MYO18A: variants seen among roughly 807,000 people sequenced by gnomAD.
MYO18A encodes unconventional myosin-XVIIIa.
MYO18A carries 78 observed loss-of-function variants against 235.8 expected under a neutral mutation model. That is an observed-to-expected ratio of 0.33 (90% CI 0.28 to 0.40). MYO18A has a LOEUF of 0.40. Among genes scored for constraint, MYO18A ranks in the 10% least tolerant of loss-of-function variants. The probability of loss-of-function intolerance (pLI) is 1.00; values close to 1 mark genes in which losing one functional copy is unlikely to be tolerated. For missense variants in MYO18A, 2,215 were observed against 2,699.3 expected (o/e 0.82, Z 3.98); for synonymous variants, 977 against 1,077.8 (o/e 0.91, Z 1.83).
chr17:29,145,430 C>T (rs2067827091), intron 2 of MYO18A, among the ~76,000 whole-genome samples: 1 of 152,206 alleles, frequency 6.6e-6, no homozygotes, highest in Non-Finnish European at 1.5e-5. Flanking sequence ...CTAAGCAGAG[C>T]TGGGGGAAGG....
intron 20 of MYO18A, among the ~76,000 whole-genome samples, chr17:29,104,227 A>T (rs1158081289): frequency 1.3e-5 from 2 of 152,178 alleles, no homozygotes; most frequent in Non-Finnish European, 2.9e-5. Context: ...TCTCACTGGC[A>T]AATGGGTAGA....
Position 29,099,652 on chromosome 17 carries a change from C to T in MYO18A, c.3618G>A (p.Gln1206=), listed in dbSNP as rs2152786739. ...QAACRGYLAR[Q]HFKKRKIQDL... is the part of the protein sequence containing the mutation. ...GCAGCACCTTTCTCTTCTTGAAGTGCTGGCGGGCCAGGTAGCCCCTGCAGG... is the reference window on the plus strand; with the variant it reads ...GCAGCACCTTTCTCTTCTTGAAGTGTTGGCGGGCCAGGTAGCCCCTGCAGG... Residue 1206 remains glutamine, a synonymous_variant, in exon 22 of 42, where the codon CAG becomes CAA. Coordinates refer to ENST00000527372, the MANE Select transcript of MYO18A (RefSeq NM_078471.4). 1 of 1,613,650 alleles carries T rather than the reference C, an allele frequency of 6.2e-7. No individual in the cohort carries two copies. The highest frequency in any genetic ancestry group is 1.1e-5 in the South Asian group (1 of 91,036).
In MYO18A at chr17:29,166,448, G is replaced by A; in HGVS notation, c.493C>T (p.Pro165Ser). ...TPSEHSAAPS[P>S]QVEVRTLEGQ... ...TCTAGAGTCCTCACCTCCACCTGTG[G>A]CGAGGGGGCGGCAGAGTGCTCTGAG... is the stretch of plus-strand genomic sequence containing the variant. The change falls in exon 2 of 42, where the codon CCA becomes TCA. Residue 165 changes from proline to serine, a missense_variant. By Grantham distance (74) the Pro-to-Ser change is moderately conservative. Transcript: ENST00000527372. 1.2e-6 allele frequency: 2 copies of A among 1,613,796 alleles called. No individual in the cohort carries two copies. The highest frequency in any genetic ancestry group is 1.7e-6 in the Non-Finnish European group (2 of 1,179,888).
At chr17:29,160,868 G>A (rs565662687) in intron 2 of MYO18A, among the ~76,000 whole-genome samples, 2 of 152,338 alleles carry the variant, frequency 1.3e-5, no homozygotes, top group South Asian at 4.1e-4. Context: ...ACTTGGCTGG[G>A]AGGGAGTGGT....
chr17:29,132,178 C>T (rs2067488979), intron 2 of MYO18A, among the ~76,000 whole-genome samples: 1 of 152,192 alleles, frequency 6.6e-6, no homozygotes, highest in East Asian at 1.9e-4. Flanking sequence ...TGCTGGAGCC[C>T]AGGAGCTGGC....
chr17:29,160,582 T>C (rs2068150188), intron 2 of MYO18A, among the ~76,000 whole-genome samples: 1 of 152,244 alleles, frequency 6.6e-6, no homozygotes, highest in Non-Finnish European at 1.5e-5. Flanking sequence ...AAATATTTAC[T>C]GAGGGAAAAG....
At chr17:29,173,210 A>C (rs2068445287) in intron 1 of MYO18A, among the ~76,000 whole-genome samples, 1 of 151,400 alleles carries the variant, frequency 6.6e-6, no homozygotes, top group Non-Finnish European at 1.5e-5. Context: ...CTCCTGCCTC[A>C]GCCTCCTGAG....
intron 21 of MYO18A, among the ~76,000 whole-genome samples, chr17:29,101,940 C>G (rs532602172): frequency 3.3e-4 from 49 of 150,498 alleles, no homozygotes; most frequent in Middle Eastern, 3.4e-3. Context: ...AGGCTCTGAG[C>G]CCCCCCAGAG....
intron 1 of MYO18A, among the ~76,000 whole-genome samples, chr17:29,177,634 C>G (rs900572758): frequency 3.3e-5 from 5 of 152,130 alleles, no homozygotes; most frequent in African/African-American, 1.2e-4. Context: ...CAAAGCAGAA[C>G]TTAAACTCCA....
chr17:29,129,648 T>C (rs1190959433), intron 2 of MYO18A, among the ~76,000 whole-genome samples: 1 of 152,242 alleles, frequency 6.6e-6, no homozygotes, highest in Middle Eastern at 3.2e-3. Context: ...CTAGAACACA[T>C]ATGGGCACTG....
At position 29,110,544 on chromosome 17, in the gene MYO18A, G is replaced by A. The variant is rs746865069; in HGVS notation, c.2979C>T (p.Gly993=). The A allele has an allele frequency of 1.7e-5, 27 of 1,611,314 alleles. 1 individual carries two copies. Among genetic ancestry groups the A allele is most frequent in the African/African-American group, 5.3e-5 (4 of 74,904 alleles). ...CCCGGCGCAGTGCCAGCTGCGAGCC[G>A]CCCTCCAGGCCCGCGATGGAGCCAG... ...VLSGSIAGLE[G]GSQLALRRAT... Residue 993 remains glycine, a synonymous_variant, in exon 18 of 42, where the codon GGC becomes GGT. Transcript: ENST00000527372.
chr17:29,117,946 G>T lies in MYO18A; in HGVS notation c.2038+99C>A, dbSNP rs1024471513. On this transcript the variant is annotated intron_variant, in intron 10 of 41. Coordinates refer to ENST00000527372, the MANE Select transcript of MYO18A (RefSeq NM_078471.4). This position sits in a 1 kb window ranked among gnomAD's most constrained non-coding sequence, Gnocchi z 4.6. Reference sequence around the variant, plus strand: ...AGCAAAAGAGGGTTGTCTCAGAACGGCTAAGTCTGTGCTGGGCAAGAATAA... The same window carrying T: ...AGCAAAAGAGGGTTGTCTCAGAACGTCTAAGTCTGTGCTGGGCAAGAATAA... 2 of 1,384,258 alleles carry T rather than the reference G, an allele frequency of 1.4e-6. No individual in the cohort carries two copies. The highest frequency in any genetic ancestry group is 2.9e-5 in the African/African-American group (2 of 69,498). The allele number at this position is 1,384,258 out of a possible 1,614,324, so 85.7% of individuals were successfully genotyped here. A position where few individuals can be genotyped will look rare whatever the true frequency, so the allele number is the denominator to read the frequency against.
Position 29,073,856 on chromosome 17 carries a change from C to T in MYO18A, c.*914G>A. On this transcript the variant is annotated 3_prime_UTR_variant, in exon 42 of 42. Coordinates refer to ENST00000527372, the MANE Select transcript of MYO18A (RefSeq NM_078471.4). ...AGTTTTTCTGATCACAAGTCCTCAACCCCAAGCCTTCCCTCTCAAGTTGAG... is the reference window on the plus strand; with the variant it reads ...AGTTTTTCTGATCACAAGTCCTCAATCCCAAGCCTTCCCTCTCAAGTTGAG... 1.9e-6 allele frequency: 3 copies of T among 1,589,504 alleles called. No homozygotes were observed. Among genetic ancestry groups the T allele is most frequent in the Non-Finnish European group, 2.6e-6 (3 of 1,161,218 alleles).
intron 2 of MYO18A, among the ~76,000 whole-genome samples, chr17:29,133,021 A>G (rs2067509342): frequency 6.6e-6 from 1 of 152,256 alleles, no homozygotes; most frequent in Admixed American, 6.5e-5. Flanking sequence ...TACTGCACGC[A>G]GTGCTGTTAA....
chr17:29,101,105 G>C (rs553321316), intron 21 of MYO18A, among the ~76,000 whole-genome samples: 2 of 151,710 alleles, frequency 1.3e-5, no homozygotes, highest in East Asian at 3.9e-4. Flanking sequence ...TTAAGCTATC[G>C]TCCCACCTCA....
In MYO18A at chr17:29,097,355, G is replaced by A. The variant is rs780042802; in HGVS notation, c.4103-5C>T. 38 of 1,607,398 alleles carry A rather than the reference G, an allele frequency of 2.4e-5. No individual in the cohort carries two copies. The highest frequency in any genetic ancestry group is 3.1e-5 in the Non-Finnish European group (36 of 1,179,790). ...ACTTCAGCCGCCACTCGCCACCTGT[G>A]GGGTTGAGGCAGACAAGGGAGGATG... On this transcript the variant is annotated splice_polypyrimidine_tract_variant and splice_region_variant and intron_variant, in intron 26 of 41. Transcript: ENST00000527372.
chr17:29,145,277 C>T (rs116733636), intron 2 of MYO18A, among the ~76,000 whole-genome samples: 189 of 152,274 alleles, frequency 1.2e-3, no homozygotes, highest in African/African-American at 4.5e-3. Flanking sequence ...GGTGCACGCA[C>T]AATAAACGGG....
At chr17:29,090,178 C>T in intron 36 of MYO18A, 80 bp from the exon 37 acceptor site, 2 of 1,486,880 alleles carry the variant, frequency 1.3e-6, no homozygotes, top group Non-Finnish European at 1.8e-6. Flanking sequence ...GCAATATCAC[C>T]ACAGTGACCA....
Position 29,166,377 on chromosome 17 carries a change from C to CCCTGGTCGAGGGATG in MYO18A, c.549_563dup (p.Ile184_Gly188dup). On this transcript the variant is annotated inframe_insertion, in exon 2 of 42. Coordinates refer to ENST00000527372, the MANE Select transcript of MYO18A (RefSeq NM_078471.4). ...CTAGCTCAGGGGCTCGGGATCGGTG[C>CCCTGGTCGAGGGATG]CCTGGTCGAGGGATGCCTGGGCCAG... 6.2e-7 allele frequency: 1 copy of CCCTGGTCGAGGGATG among 1,613,510 alleles called. No homozygotes were observed. Among genetic ancestry groups the CCCTGGTCGAGGGATG allele is most frequent in the Non-Finnish European group, 8.5e-7 (1 of 1,179,890 alleles).
Sources: gnomAD v4.1 joint callset for allele counts (sites outside exome capture counted in the v4.1 genomes callset) on GRCh38, gnomAD v4.1.1 for gene constraint, Gnocchi (gnomAD v3.1) non-coding constraint, MANE v1.5 for transcripts, NCBI Gene and HGNC (gene_info 2026-07-23, HGNC 2026-07-21) for gene names.